NRXN2: variants seen among roughly 807,000 people sequenced by gnomAD.
The protein encoded by NRXN2 is neurexin-2-beta.
NRXN2 carries 29 observed loss-of-function variants against 128.8 expected under a neutral mutation model. That is an observed-to-expected ratio of 0.23 (90% CI 0.17 to 0.31). The LOEUF is 0.31. NRXN2 is among the 10% of genes least tolerant of loss of function. NRXN2 has a pLI of 1.00. For synonymous variants in NRXN2, 1,098 were observed against 1,075.2 expected, an observed-to-expected ratio of 1.02 and a Z score of -0.41; for missense variants, 1,881 against 2,452.6, an observed-to-expected ratio of 0.77 and a Z score of 4.92.
chr11:64,667,783 C>T lies in NRXN2; in HGVS notation c.1360-95G>A. The T allele has an allele frequency of 8.5e-7, 1 of 1,175,862 alleles. No individual in the cohort carries two copies. The highest frequency in any genetic ancestry group is 1.2e-6 in the Non-Finnish European group (1 of 804,272). 72.8% of individuals were successfully genotyped at this position (1,175,862 alleles called of 1,614,324 possible). A position where few individuals can be genotyped will look rare whatever the true frequency, so the allele number is the denominator to read the frequency against. On this transcript the variant is annotated intron_variant, in intron 8 of 22. Transcript: ENST00000265459. The surrounding 1 kb of genome is among the most constrained non-coding windows in gnomAD (Gnocchi z 5.6). Reference sequence around the variant, plus strand: ...CAGCGAGCACCAGGGGACCCAGCCACCCACCCCTGTAGCCCCTGCTCAGTT... The same window carrying T: ...CAGCGAGCACCAGGGGACCCAGCCATCCACCCCTGTAGCCCCTGCTCAGTT...
intron 17 of NRXN2, chr11:64,643,223 G>A (rs1475080047): frequency 3.1e-6 from 3 of 977,946 alleles, no homozygotes; most frequent in Non-Finnish European, 3.6e-6. Context: ...GGAGCGGGGC[G>A]GTGCGGGCTG....
At chr11:64,646,961 G>A (rs528081807) in intron 17 of NRXN2, among the ~76,000 whole-genome samples, 1 of 152,284 alleles carries the variant, frequency 6.6e-6, no homozygotes, top group African/African-American at 2.4e-5. Context: ...AAAGCACTGA[G>A]GGAGATGGGG....
chr11:64,620,265 G>A (rs766998819), intron 22 of NRXN2, 29 bp downstream of exon 22: 10 of 1,527,342 alleles, frequency 6.5e-6, no homozygotes, highest in Middle Eastern at 1.7e-4. Flanking sequence ...AGAGGGACCC[G>A]GGGCAGGGGA....
intron 17 of NRXN2, chr11:64,642,390 G>T: frequency 1.7e-6 from 2 of 1,155,202 alleles, no homozygotes; most frequent in South Asian, 1.7e-5. Flanking sequence ...GCTGGAGATT[G>T]GAGGTGAAGG....
rs556786937 is a variant in NRXN2 at position 64,613,337 on chromosome 11, T to A, written c.4253-5255A>T. 9.2e-5 allele frequency among the ~76,000 whole-genome samples: 14 copies of A among 152,358 alleles called. 1 individual carries two copies. In the South Asian group the frequency reaches 2.1e-3, roughly 23 times the overall value. On this transcript the variant is annotated intron_variant, in intron 22 of 22. Transcript: ENST00000265459. ...GTGTGCACATGTCCATATGTGAACA[T>A]GCCCCAGAACATGTGAGTGCACCAC...
At chr11:64,637,297 A>G (rs1283682636) in intron 17 of NRXN2, 1 of 152,224 alleles carries the variant, frequency 6.6e-6, no homozygotes, top group Non-Finnish European at 1.5e-5. Context: ...AGGGCCCTGG[A>G]GCACAGTGGT....
chr11:64,623,237 G>C lies in NRXN2; in HGVS notation c.3848-159C>G, dbSNP rs2042630337. The C allele has an allele frequency of 7.9e-7, 1 of 1,270,040 alleles. No homozygotes were observed. Among genetic ancestry groups the C allele is most frequent in the Non-Finnish European group, 1.1e-6 (1 of 945,770 alleles). The allele number at this position is 1,270,040 out of a possible 1,614,324, so 78.7% of individuals were successfully genotyped here. On this transcript the variant is annotated intron_variant, in intron 20 of 22. Transcript: ENST00000265459. The surrounding 1 kb of genome is among the most constrained non-coding windows in gnomAD (Gnocchi z 4.9). ...GGGAGAAATGAGGAAGGGGCAGAAA[G>C]CCAAAGGGAAAGTCCTTGTCAGCCA...
At chr11:64,705,264 T>C (rs1404937971) in intron 2 of NRXN2, among the ~76,000 whole-genome samples, 2 of 152,146 alleles carry the variant, frequency 1.3e-5, no homozygotes, top group East Asian at 1.9e-4. Context: ...TGGAGACAGG[T>C]AGGGAGCAAC....
At chr11:64,659,814 C>A in intron 11 of NRXN2, 1 of 209,984 alleles carries the variant, frequency 4.8e-6, no homozygotes, top group South Asian at 9.2e-5. Context: ...ACACATGCAC[C>A]TCCACACACC....
At position 64,630,383 on chromosome 11, in the gene NRXN2, G is replaced by T; in HGVS notation, c.3757+19C>A. 6.8e-7 allele frequency: 1 copy of T among 1,481,466 alleles called. No homozygotes were observed. 91.8% of individuals were successfully genotyped at this position (1,481,466 alleles called of 1,614,324 possible). A position where few individuals can be genotyped will look rare whatever the true frequency, so the allele number is the denominator to read the frequency against. On this transcript the variant is annotated intron_variant, in intron 19 of 22. Coordinates refer to ENST00000265459, the MANE Select transcript of NRXN2 (RefSeq NM_015080.4). The surrounding 1 kb of genome is among the most constrained non-coding windows in gnomAD (Gnocchi z 4.6). Reference sequence around the variant, plus strand: ...CCCGCCCCGCCACCGCGCCTCCTCCGCGGGCCCGCGCCGCCTACCTGCCGG... The same window carrying T: ...CCCGCCCCGCCACCGCGCCTCCTCCTCGGGCCCGCGCCGCCTACCTGCCGG...
chr11:64,695,943 A>C (rs979024844), intron 3 of NRXN2, among the ~76,000 whole-genome samples: 4 of 148,308 alleles, frequency 2.7e-5, no homozygotes, highest in African/African-American at 7.5e-5. Flanking sequence ...CTCCCACCAG[A>C]CTCCTTCTTC....
At chr11:64,661,757 G>A (rs566398757) in intron 9 of NRXN2, among the ~76,000 whole-genome samples, 23 of 152,248 alleles carry the variant, frequency 1.5e-4, no homozygotes, top group Non-Finnish European at 3.2e-4. Context: ...GTGCCAAAGC[G>A]CCACAGTGGG....
Position 64,607,599 on chromosome 11 carries a change from G to A in NRXN2, c.4736C>T (p.Pro1579Leu), listed in dbSNP as rs757590322. The change falls in exon 23 of 23, where the codon CCC (proline) becomes CTC (leucine). Residue 1579 changes from proline to leucine, a missense_variant. Around this residue, in one of 7 missense-constraint regions of NRXN2, gnomAD observed 310 missense variants for 318.2 expected, o/e 0.97. Coordinates refer to ENST00000265459, the MANE Select transcript of NRXN2 (RefSeq NM_015080.4). Reference protein sequence around the residue: ...DPLQPLLENPPLGPGAPTSFE... With the variant: ...DPLQPLLENPLLGPGAPTSFE... Reference sequence around the variant, plus strand: ...GGACGTGGGGGCCCCGGGCCCCAAGGGCGGGTTCTCCAGCAAGGGCTGAAG... The same window carrying A: ...GGACGTGGGGGCCCCGGGCCCCAAGAGCGGGTTCTCCAGCAAGGGCTGAAG... 4 of 1,537,196 alleles carry A rather than the reference G, an allele frequency of 2.6e-6. No homozygotes were observed. The South Asian group carries it at 3.5e-5, about 14-fold the overall frequency.
intron 2 of NRXN2, among the ~76,000 whole-genome samples, chr11:64,701,226 C>A (rs1318171352): frequency 6.6e-6 from 1 of 152,200 alleles, no homozygotes; most frequent in East Asian, 1.9e-4. Context: ...CTCTTCAAAG[C>A]TTTTCAGTGC....
Position 64,623,541 on chromosome 11 carries a change from C to A in NRXN2, c.3848-463G>T. On this transcript the variant is annotated intron_variant, in intron 20 of 22. Transcript: ENST00000265459. This position sits in a 1 kb window ranked among gnomAD's most constrained non-coding sequence, Gnocchi z 4.9. ...CCCTGGAAGAGGCAGATAGAGGAGA[C>A]AAAGAGGCAGAGACAGAGGAGGTAG... is the stretch of plus-strand genomic sequence containing the variant. The A allele has an allele frequency of 4.8e-6, 1 of 206,636 alleles. No individual in the cohort carries two copies. Among genetic ancestry groups the A allele is most frequent in the Non-Finnish European group, 1.0e-5 (1 of 100,236 alleles). 12.8% of individuals were successfully genotyped at this position (206,636 alleles called of 1,614,324 possible).
intron 18 of NRXN2, among the ~76,000 whole-genome samples, chr11:64,633,364 A>G (rs1470556369): frequency 6.6e-6 from 1 of 152,198 alleles, no homozygotes; most frequent in East Asian, 1.9e-4. Flanking sequence ...TCTTCACATA[A>G]GTGATCTCCT....
chr11:64,722,589 C>T (rs1225501446), intron 1 of NRXN2, among the ~76,000 whole-genome samples: 1 of 151,968 alleles, frequency 6.6e-6, no homozygotes, highest in African/African-American at 2.4e-5. Context: ...TTAGACCCTC[C>T]AGAACACAAC....
chr11:64,717,275 G>A (rs2057329204), intron 1 of NRXN2, among the ~76,000 whole-genome samples: 1 of 152,184 alleles, frequency 6.6e-6, no homozygotes, highest in African/African-American at 2.4e-5. Context: ...CCAGTGCAGG[G>A]ACACTGCCAG....
intron 22 of NRXN2, among the ~76,000 whole-genome samples, chr11:64,611,037 G>A (rs1004229220): frequency 6.6e-6 from 1 of 152,204 alleles, no homozygotes; most frequent in African/African-American, 2.4e-5. Context: ...CTGTCCTGGA[G>A]GCATGGCTTT....
Sources: gnomAD v4.1 joint callset for allele counts (sites outside exome capture counted in the v4.1 genomes callset) on GRCh38, gnomAD v4.1.1 for gene constraint, gnomAD v4.1.1 regional missense constraint, Gnocchi (gnomAD v3.1) non-coding constraint, MANE v1.5 for transcripts, NCBI Gene and HGNC (gene_info 2026-07-23, HGNC 2026-07-21) for gene names.